ZNF385D: variants seen among roughly 807,000 people sequenced by gnomAD.
ZNF385D encodes zinc finger protein 659.
Under a neutral mutation model 35.8 loss-of-function variants are expected in ZNF385D, and 15 were observed. The ratio of observed to expected loss-of-function variants is 0.42; its 90% CI spans 0.28 to 0.64. The LOEUF (loss-of-function observed/expected upper bound fraction) is 0.64, where lower values mean the gene tolerates loss of function less well. ZNF385D is among the 30% of genes least tolerant of loss of function. ZNF385D has a pLI of 0.23. For missense variants in ZNF385D, 474 were observed against 494.6 expected (o/e 0.96, Z 0.39); for synonymous variants, 212 against 186.8 (o/e 1.13, Z -1.10).
chr3:22,123,770 G>C (rs1190801484), intron 3 of ZNF385D, among the ~76,000 whole-genome samples: 1 of 151,964 alleles, frequency 6.6e-6, no homozygotes, highest in Non-Finnish European at 1.5e-5. Flanking sequence ...CCGAGGCAGG[G>C]AGAATTGCTT....
chr3:21,891,370 CA>C, intron 3 of ZNF385D, among the ~76,000 whole-genome samples: 1 of 152,232 alleles, frequency 6.6e-6, no homozygotes, highest in African/African-American at 2.4e-5. Context: ...GCACAGCTTT[CA>C]AGTAATGCGT....
chr3:21,813,297 T>G (rs200847415), intron 3 of ZNF385D, among the ~76,000 whole-genome samples: 12 of 152,160 alleles, frequency 7.9e-5, no homozygotes, highest in Admixed American at 6.5e-4. Context: ...TCTTCTCCTC[T>G]AAAGGAACAC....
At chr3:21,977,018 T>G (rs894483795) in intron 3 of ZNF385D, among the ~76,000 whole-genome samples, 2 of 151,524 alleles carry the variant, frequency 1.3e-5, no homozygotes, top group East Asian at 3.9e-4. Flanking sequence ...AATAAACCAC[T>G]GCTACATATA....
intron 4 of ZNF385D, among the ~76,000 whole-genome samples, chr3:21,497,527 C>T (rs1705999011): frequency 6.6e-6 from 1 of 152,114 alleles, no homozygotes; most frequent in African/African-American, 2.4e-5. Flanking sequence ...ACACTCTTCA[C>T]AGAATTATTT....
At chr3:21,534,129 T>TAA (rs5847109) in intron 3 of ZNF385D, among the ~76,000 whole-genome samples, 17 of 147,882 alleles carry the variant, frequency 1.1e-4, no homozygotes, top group African/African-American at 2.7e-4. Flanking sequence ...TCACAGAAGT[T>TAA]AAAAAAAAAA....
At chr3:21,785,724 T>G (rs1385959204) in intron 3 of ZNF385D, among the ~76,000 whole-genome samples, 1 of 152,220 alleles carries the variant, frequency 6.6e-6, no homozygotes, top group Non-Finnish European at 1.5e-5. Context: ...CAAACTCAAT[T>G]CAACAAACAC....
intron 2 of ZNF385D, among the ~76,000 whole-genome samples, chr3:22,336,418 G>C (rs1695162945): frequency 6.6e-6 from 1 of 152,084 alleles, no homozygotes; most frequent in Non-Finnish European, 1.5e-5. Flanking sequence ...TTATTCAACA[G>C]TAACTCTAAA....
intron 2 of ZNF385D, among the ~76,000 whole-genome samples, chr3:21,620,302 A>G (rs1411806884): frequency 2.0e-5 from 3 of 152,102 alleles, no homozygotes; most frequent in Non-Finnish European, 4.4e-5. Context: ...CCACTACTCA[A>G]ATGAATCATC....
intron 2 of ZNF385D, among the ~76,000 whole-genome samples, chr3:22,283,740 C>A (rs1019540588): frequency 5.3e-5 from 8 of 152,156 alleles, no homozygotes; most frequent in Non-Finnish European, 1.2e-4. Flanking sequence ...TGTGCTCAGT[C>A]TGTTCCCTAG....
intron 3 of ZNF385D, among the ~76,000 whole-genome samples, chr3:21,522,446 T>A (rs1415121288): frequency 6.6e-6 from 1 of 152,140 alleles, no homozygotes; most frequent in African/African-American, 2.4e-5. Context: ...TTCAAGCATT[T>A]CTCCTGCCTC....
intron 3 of ZNF385D, among the ~76,000 whole-genome samples, chr3:21,911,611 C>T (rs1362402779): frequency 1.3e-5 from 2 of 151,958 alleles, no homozygotes; most frequent in South Asian, 2.1e-4. Flanking sequence ...TGGAAATCCT[C>T]AGTTCATTTT....
chr3:21,735,024 A>T (rs530356909), intron 1 of ZNF385D, among the ~76,000 whole-genome samples: 1 of 152,202 alleles, frequency 6.6e-6, no homozygotes, highest in East Asian at 1.9e-4. Context: ...CCCCACAGCT[A>T]TGTAGGATCA....
chr3:21,713,859 T>C (rs1396522591), intron 1 of ZNF385D, among the ~76,000 whole-genome samples: 5 of 152,172 alleles, frequency 3.3e-5, no homozygotes, highest in Non-Finnish European at 7.3e-5. Context: ...AACACCACCT[T>C]TTTTAAAGTT....
chr3:22,229,367 T>C (rs1414741030), intron 2 of ZNF385D, among the ~76,000 whole-genome samples: 1 of 152,194 alleles, frequency 6.6e-6, no homozygotes, highest in African/African-American at 2.4e-5. Context: ...TAGGTTGTGG[T>C]TCACTGTTGG....
At chr3:21,508,670 T>G (rs1349054553) in intron 4 of ZNF385D, among the ~76,000 whole-genome samples, 1 of 152,168 alleles carries the variant, frequency 6.6e-6, no homozygotes. Flanking sequence ...CAATGTCAGA[T>G]TACTGTAACT....
chr3:22,145,309 G>A (rs1481488420), intron 3 of ZNF385D, among the ~76,000 whole-genome samples: 2 of 152,180 alleles, frequency 1.3e-5, no homozygotes, highest in African/African-American at 4.8e-5. Flanking sequence ...TACAATTTGT[G>A]AATCTGATGT....
At chr3:21,677,333 C>A (rs1002010121) in intron 1 of ZNF385D, among the ~76,000 whole-genome samples, 5 of 152,052 alleles carry the variant, frequency 3.3e-5, no homozygotes, top group Non-Finnish European at 5.9e-5. Flanking sequence ...TCATCATGTT[C>A]TCACCCTCTT....
chr3:21,471,320 CACACA>C (rs1413016957), intron 4 of ZNF385D, among the ~76,000 whole-genome samples: 1 of 146,546 alleles, frequency 6.8e-6, no homozygotes, highest in East Asian at 2.0e-4. Context: ...CACACACACA[CACACA>C]CACACACACA....
At chr3:21,467,050 T>C (rs1191435250) in intron 4 of ZNF385D, among the ~76,000 whole-genome samples, 2 of 152,178 alleles carry the variant, frequency 1.3e-5, no homozygotes, top group African/African-American at 4.8e-5. Flanking sequence ...CTGAACTCGG[T>C]TCTTGTGCTG....
Sources: allele counts gnomAD v4.1 joint callset (sites outside exome capture counted in the v4.1 genomes callset), GRCh38; gene constraint gnomAD v4.1.1; transcripts MANE v1.5; gene names NCBI Gene and HGNC (gene_info 2026-07-23, HGNC 2026-07-21).